Variants in GBF1 observed in about 807,000 individuals in gnomAD.
The protein encoded by GBF1 is Golgi-specific brefeldin A-resistance guanine nucleotide exchange factor 1.
GBF1 carries 114 observed loss-of-function variants against 210.5 expected under a neutral mutation model. The ratio of observed to expected loss-of-function variants is 0.54; its 90% confidence interval spans 0.47 to 0.63. The LOEUF (loss-of-function observed/expected upper bound fraction) is 0.63. Ranked by LOEUF, GBF1 falls within the 30% of genes least tolerant of loss-of-function variation. GBF1 has a pLI of 0.00. For missense variants in GBF1, 1,851 were observed against 2,357.7 expected (o/e 0.79, Z 4.45); for synonymous variants, 850 against 889.2 (o/e 0.96, Z 0.78).
intron 3 of GBF1, among the ~76,000 whole-genome samples, chr10:102,338,894 C>T (rs945578333): frequency 3.9e-5 from 6 of 151,978 alleles, no homozygotes; most frequent in Non-Finnish European, 7.4e-5. Context: ...TTGGTAGGCA[C>T]AACATAGCAA....
chr10:102,368,527 C>A, intron 22 of GBF1, 73 bp downstream of exon 22: 1 of 931,802 alleles, frequency 1.1e-6, no homozygotes, highest in Non-Finnish European at 1.7e-6. Flanking sequence ...CCATGCCTCT[C>A]TGACTCCTAC....
intron 3 of GBF1, among the ~76,000 whole-genome samples, chr10:102,334,133 T>C (rs1474897374): frequency 6.6e-6 from 1 of 152,186 alleles, no homozygotes; most frequent in Non-Finnish European, 1.5e-5. Flanking sequence ...AGCAGGCTGG[T>C]GACCCTCTAG....
rs1338183450 is a variant in GBF1, at chr10:102,350,747, CCA to C, written c.296-506_296-505del. Among the ~76,000 whole-genome samples the C allele has an allele frequency of 3.3e-5, 5 of 152,238 alleles. No individual in the cohort carries two copies. The South Asian group carries it at 1.0e-3, about 32-fold the overall frequency. On this transcript the variant is annotated intron_variant, in intron 4 of 39. Coordinates refer to ENST00000369983, the MANE Select transcript of GBF1 (RefSeq NM_001377137.1). Reference sequence around the variant, plus strand: ...GTGGTATGGGTCCAGCAATTGAGAACCACAGTTTTACCCAGTGGATTTTGTGT... The same window carrying C: ...GTGGTATGGGTCCAGCAATTGAGAACCAGTTTTACCCAGTGGATTTTGTGT...
chr10:102,371,501 A>G (rs1402392989), intron 29 of GBF1, among the ~76,000 whole-genome samples: 1 of 152,348 alleles, frequency 6.6e-6, no homozygotes, highest in Middle Eastern at 3.4e-3. Flanking sequence ...CTTCTCCCCA[A>G]ATTGATCTGT....
Position 102,357,991 on chromosome 10 carries a change from TAG to T in GBF1, c.640-45_640-44del, listed in dbSNP as rs749413904. ...CTAAATGAAGGGAGATTAATAGGGA[TAG>T]AGTCTTAGTTTGAATACCATTGCTA... On this transcript the variant is annotated intron_variant, in intron 8 of 39. Coordinates refer to ENST00000369983, the MANE Select transcript of GBF1 (RefSeq NM_001377137.1). The T allele has an allele frequency of 3.9e-6, 5 of 1,279,900 alleles. No individual in the cohort carries two copies. The Admixed American group carries it at 6.7e-5, about 17-fold the overall frequency. 79.3% of individuals were successfully genotyped at this position (1,279,900 alleles called of 1,614,324 possible).
chr10:102,247,414 G>A (rs998780133), intron 1 of GBF1, among the ~76,000 whole-genome samples: 28 of 151,890 alleles, frequency 1.8e-4, no homozygotes, highest in Non-Finnish European at 3.1e-4. Context: ...CCCTCTCCCC[G>A]CCCCCAAGAA....
At chr10:102,284,277 A>G (rs72845655) in intron 3 of GBF1, among the ~76,000 whole-genome samples, 2,425 of 152,336 alleles carry the variant, frequency 0.016, 43 homozygotes, top group Middle Eastern at 0.031. Context: ...CTGAAGTGAA[A>G]TGCATATAAC....
intron 3 of GBF1, among the ~76,000 whole-genome samples, chr10:102,269,923 G>A (rs1035025924): frequency 1.7e-4 from 26 of 150,566 alleles, no homozygotes; most frequent in African/African-American, 6.4e-4. Context: ...CTGTCACCGC[G>A]GCTAGAGTGC....
chr10:102,347,232 T>C (rs2058636863), intron 4 of GBF1, among the ~76,000 whole-genome samples: 1 of 152,208 alleles, frequency 6.6e-6, no homozygotes, highest in Non-Finnish European at 1.5e-5. Flanking sequence ...AAGAAAACCC[T>C]TTATTCTAGA....
chr10:102,333,542 C>T (rs543274539), intron 3 of GBF1, among the ~76,000 whole-genome samples: 8 of 151,728 alleles, frequency 5.3e-5, no homozygotes, highest in African/African-American at 1.9e-4. Flanking sequence ...ATGATCAGGG[C>T]TCACCTCAGC....
intron 1 of GBF1, 64 bp downstream of exon 1, chr10:102,245,845 A>G (rs963136172): frequency 6.6e-6 from 1 of 152,136 alleles, no homozygotes; most frequent in Non-Finnish European, 1.5e-5. Flanking sequence ...GCAATAGGGA[A>G]TTAGTGGGAA....
At chr10:102,283,973 T>C (rs980867702) in intron 3 of GBF1, among the ~76,000 whole-genome samples, 1 of 152,148 alleles carries the variant, frequency 6.6e-6, no homozygotes, top group Admixed American at 6.5e-5. Context: ...GAGCCTCCAG[T>C]GGGAATACAG....
chr10:102,350,413 A>G (rs1359274528), intron 4 of GBF1, among the ~76,000 whole-genome samples: 2 of 151,688 alleles, frequency 1.3e-5, no homozygotes, highest in Non-Finnish European at 2.9e-5. Flanking sequence ...TATTGGCGGC[A>G]GTGAGTGTTC....
chr10:102,274,761 G>GA (rs2074779636), intron 3 of GBF1, among the ~76,000 whole-genome samples: 1 of 136,548 alleles, frequency 7.3e-6, no homozygotes, highest in Non-Finnish European at 1.5e-5. Context: ...GCCCAGGCTG[G>GA]AGTACAGTGG....
intron 29 of GBF1, among the ~76,000 whole-genome samples, chr10:102,371,353 A>C (rs1287129305): frequency 6.6e-6 from 1 of 152,262 alleles, no homozygotes; most frequent in Non-Finnish European, 1.5e-5. Flanking sequence ...TGAAATACTT[A>C]ATATATAGCT....
At chr10:102,235,795 A>C in the GBF1 span, among the ~76,000 whole-genome samples, 2 of 152,110 alleles carry the variant, frequency 1.3e-5, no homozygotes, top group Admixed American at 6.5e-5. Flanking sequence ...TTCCCTGGTG[A>C]ATGAAGGTGA....
At chr10:102,346,208 C>T (rs1323542225) in intron 4 of GBF1, among the ~76,000 whole-genome samples, 1 of 152,118 alleles carries the variant, frequency 6.6e-6, no homozygotes, top group Non-Finnish European at 1.5e-5. Flanking sequence ...GTCTCAAACT[C>T]CTGACCTTGT....
intron 3 of GBF1, among the ~76,000 whole-genome samples, chr10:102,284,218 T>TA (rs1425174617): frequency 6.7e-6 from 1 of 150,316 alleles, no homozygotes; most frequent in Non-Finnish European, 1.5e-5. Flanking sequence ...AAAGTCAAAT[T>TA]AGAGATAAGA....
At chr10:102,333,505 C>G (rs2057491273) in intron 3 of GBF1, among the ~76,000 whole-genome samples, 3 of 150,826 alleles carry the variant, frequency 2.0e-5, no homozygotes, top group Admixed American at 1.3e-4. Flanking sequence ...GGGTTCCACT[C>G]TGTTGCTCAG....
Sources: gnomAD v4.1 joint callset for allele counts (sites outside exome capture counted in the v4.1 genomes callset) on GRCh38, gnomAD v4.1.1 for gene constraint, MANE v1.5 for transcripts, NCBI Gene and HGNC (gene_info 2026-07-23, HGNC 2026-07-21) for gene names.